Variants in SUPT5H observed in about 807,000 individuals in gnomAD.
SUPT5H encodes transcription elongation factor SPT5.
SUPT5H carries 24 observed loss-of-function variants against 142.5 expected under a neutral mutation model. That is an observed-to-expected ratio of 0.17 (90% CI 0.12 to 0.24). The LOEUF is 0.24. Among genes scored for constraint, SUPT5H ranks in the 10% least tolerant of loss-of-function variants. SUPT5H has a pLI of 1.00. For missense variants in SUPT5H, 893 were observed against 1,471.8 expected, an observed-to-expected ratio of 0.61 and a Z score of 6.43; for synonymous variants, 546 against 553.0, an observed-to-expected ratio of 0.99 and a Z score of 0.18.
rs767289852 is a variant in SUPT5H at position 39,471,701 on chromosome 19, C to T, written c.1921C>T (p.Arg641Cys). The T allele has an allele frequency of 2.5e-6, 4 of 1,614,078 alleles. No individual in the cohort carries two copies. Among genetic ancestry groups the T allele is most frequent in the Non-Finnish European group, 3.4e-6 (4 of 1,180,006 alleles). ...CGGGGGCATGTTTGTCTGCAAGACCCGCCACCTGGTGCTGGCTGGGGGCTC... is the reference window on the plus strand; with the variant it reads ...CGGGGGCATGTTTGTCTGCAAGACCTGCCACCTGGTGCTGGCTGGGGGCTC... ...ENGGMFVCKT[R>C]HLVLAGGSKP... The change falls in exon 20 of 30, where the codon CGC becomes TGC. Residue 641 changes from arginine to cysteine, a missense_variant. Physicochemically the swap from Arg to Cys is radical, Grantham distance 180 (BLOSUM62 -3). Transcript: ENST00000432763.
At chr19:39,451,625 A>C (rs2146077013) in intron 2 of SUPT5H, among the ~76,000 whole-genome samples, 1 of 152,192 alleles carries the variant, frequency 6.6e-6, no homozygotes, top group Non-Finnish European at 1.5e-5. Context: ...TTCACCTCCC[A>C]GTTTCAAGCG....
Position 39,462,719 on chromosome 19 carries a change from T to G in SUPT5H, c.625-2079T>G, listed in dbSNP as rs976268827. On this transcript the variant is annotated intron_variant, in intron 10 of 29. Coordinates refer to ENST00000432763, the MANE Select transcript of SUPT5H (RefSeq NM_001111020.3). ...CTAATTTTTGTGTTTTTAGTAGAGATAGGGTTTCAGCATGTTGGCCAGGCT... is the reference window on the plus strand; with the variant it reads ...CTAATTTTTGTGTTTTTAGTAGAGAGAGGGTTTCAGCATGTTGGCCAGGCT... Among the ~76,000 whole-genome samples, 7 of 150,828 alleles carry G rather than the reference T, an allele frequency of 4.6e-5. No individual in the cohort carries two copies. In the Admixed American group the frequency reaches 4.6e-4, roughly 10 times the overall value.
At position 39,473,314 on chromosome 19, in the gene SUPT5H, G is replaced by C. The variant is rs377355322; in HGVS notation, c.2370G>C (p.Gln790His). 1.3e-5 allele frequency: 21 copies of C among 1,613,778 alleles called. No individual in the cohort carries two copies. The highest frequency in any genetic ancestry group is 1.6e-5 in the Non-Finnish European group (19 of 1,179,974). The stretch of plus-strand genomic sequence containing the variant: ...CCCGAACACCCATGTACGGCTCACA[G>C]ACACCCCTCCAGGATGGTGAGTGCC... ...SGSRTPMYGS[Q>H]TPLQDGSRTP... Residue 790 changes from glutamine (Q) to histidine (H), a missense_variant, in exon 24 of 30, where the codon CAG becomes CAC. Gln to His is a conservative substitution (Grantham distance 24). Transcript: ENST00000432763. This position sits in a 1 kb window ranked among gnomAD's most constrained non-coding sequence, Gnocchi z 5.8.
chr19:39,476,015 T>C (rs2079400025), intron 28 of SUPT5H, 66 bp from the exon 29 acceptor site: 2 of 1,450,764 alleles, frequency 1.4e-6, no homozygotes, highest in Admixed American at 1.8e-5. Context: ...CTGTGTCCCC[T>C]GGAGTATGGG....
At position 39,459,173 on chromosome 19, in the gene SUPT5H, C is replaced by T. The variant is rs760342883; in HGVS notation, c.459-11C>T. ...AGCTTCACCCCTTCCTGACTGCCCT[C>T]CTCCCTTCAGGGTGTATGGAGGATC... is the stretch of plus-strand genomic sequence containing the variant. On this transcript the variant is annotated splice_polypyrimidine_tract_variant and intron_variant, in intron 7 of 29. Transcript: ENST00000432763. The T allele has an allele frequency of 1.4e-5, 22 of 1,603,748 alleles. No individual in the cohort carries two copies. The highest frequency in any genetic ancestry group is 1.7e-4 in the Middle Eastern group (1 of 6,042).
At position 39,469,650 on chromosome 19, in the gene SUPT5H, T is replaced by C. The variant is rs2079291476; in HGVS notation, c.1374+252T>C. ...TCTTTTGTTTCTGAAAAGCAAGATA[T>C]CTGGGTAGTACTGGGTTGAGAGTGT... is the stretch of plus-strand genomic sequence containing the variant. On this transcript the variant is annotated intron_variant, in intron 16 of 29. Transcript: ENST00000432763. The surrounding 1 kb of genome is among the most constrained non-coding windows in gnomAD (Gnocchi z 5.1). The C allele has an allele frequency of 6.9e-6, 4 of 583,908 alleles. No homozygotes were observed. The highest frequency in any genetic ancestry group is 3.7e-5 in the African/African-American group (2 of 53,542). The allele number at this position is 583,908 out of a possible 1,614,324, so 36.2% of individuals were successfully genotyped here.
Position 39,458,247 on chromosome 19 carries a change from CCA to C in SUPT5H, c.308-45_308-44del. ...CTGCCCTCGCCCACCACCACCACCA[CCA>C]CCACCACCACCACCACCACCACCAC... On this transcript the variant is annotated intron_variant, in intron 4 of 29. Transcript: ENST00000432763. This position sits in a 1 kb window ranked among gnomAD's most constrained non-coding sequence, Gnocchi z 4.2. 8.1e-7 allele frequency: 1 copy of C among 1,241,414 alleles called. No homozygotes were observed. Among genetic ancestry groups the C allele is most frequent in the Non-Finnish European group, 1.1e-6 (1 of 874,118 alleles). The allele number at this position is 1,241,414 out of a possible 1,614,324, so 76.9% of individuals were successfully genotyped here. A position where few individuals can be genotyped will look rare whatever the true frequency, so the allele number is the denominator to read the frequency against.
chr19:39,459,754 A>G (rs575544025), intron 9 of SUPT5H, 138 bp from the exon 10 acceptor site: 1 of 1,291,916 alleles, frequency 7.7e-7, no homozygotes, highest in Non-Finnish European at 1.1e-6. Flanking sequence ...TCCCACCTCC[A>G]TCTTCCTGGC....
rs1249099013 is a variant in SUPT5H at position 39,473,275 on chromosome 19, G to A, written c.2331G>A (p.Met777Ile). 2 of 1,613,850 alleles carry A rather than the reference G, an allele frequency of 1.2e-6. No homozygotes were observed. The change falls in exon 24 of 30, where the codon ATG (methionine) becomes ATA (isoleucine). Residue 777 changes from methionine (M) to isoleucine (I), a missense_variant. Physicochemically the swap from Met to Ile is conservative, Grantham distance 10. This residue lies in a region of SUPT5H where 336 missense variants were observed against 546.5 expected (regional missense o/e 0.61). Coordinates refer to ENST00000432763, the MANE Select transcript of SUPT5H (RefSeq NM_001111020.3). The surrounding 1 kb of genome is among the most constrained non-coding windows in gnomAD (Gnocchi z 5.8). Reference protein sequence around the residue: ...RTPMYGSQTPMYGSGSRTPMY... With the variant: ...RTPMYGSQTPIYGSGSRTPMY... ...CCATGTATGGCTCCCAGACGCCCAT[G>A]TATGGCTCTGGCTCCCGAACACCCA... is the stretch of plus-strand genomic sequence containing the variant.
intron 13 of SUPT5H, chr19:39,467,034 C>T (rs529438860): frequency 3.0e-4 from 89 of 298,614 alleles, no homozygotes; most frequent in African/African-American, 1.9e-3. Context: ...TAATGAGATC[C>T]CATCTTTTAA....
chr19:39,468,721 T>G (rs2079276983), intron 13 of SUPT5H, 35 bp from the exon 14 acceptor site: 1 of 1,590,588 alleles, frequency 6.3e-7, no homozygotes, highest in Non-Finnish European at 8.6e-7. Flanking sequence ...TTCTTGACTC[T>G]CCCTTCTAAT....
Position 39,469,542 on chromosome 19 carries a change from G to GA in SUPT5H, c.1374+145dup. On this transcript the variant is annotated intron_variant, in intron 16 of 29. Coordinates refer to ENST00000432763, the MANE Select transcript of SUPT5H (RefSeq NM_001111020.3). This position sits in a 1 kb window ranked among gnomAD's most constrained non-coding sequence, Gnocchi z 5.1. ...CCTTCTAGCATTCTCAGGTGCCTGAGAGGCTCTGTCTGAGTGCAGCTCAGG... is the reference window on the plus strand; with the variant it reads ...CCTTCTAGCATTCTCAGGTGCCTGAGAAGGCTCTGTCTGAGTGCAGCTCAGG... The GA allele has an allele frequency of 8.1e-7, 1 of 1,238,796 alleles. No homozygotes were observed. Among genetic ancestry groups the GA allele is most frequent in the Non-Finnish European group, 1.1e-6 (1 of 890,404 alleles). The allele number at this position is 1,238,796 out of a possible 1,614,324, so 76.7% of individuals were successfully genotyped here. A position where few individuals can be genotyped will look rare whatever the true frequency, so the allele number is the denominator to read the frequency against.
intron 10 of SUPT5H, among the ~76,000 whole-genome samples, chr19:39,464,455 G>A (rs953646655): frequency 1.3e-5 from 2 of 152,114 alleles, no homozygotes; most frequent in Admixed American, 6.6e-5. Context: ...AACCTCCCGG[G>A]CTCAAGCAGT....
rs1185640821 is a variant in SUPT5H at position 39,457,951 on chromosome 19, G to A, written c.307+211G>A. ...GGTGGGGCCCTGGGGTGGGGATGTT[G>A]TGGGGAGAGGACTCTGGGATCCCAG... is the stretch of plus-strand genomic sequence containing the variant. On this transcript the variant is annotated intron_variant, in intron 4 of 29. Coordinates refer to ENST00000432763, the MANE Select transcript of SUPT5H (RefSeq NM_001111020.3). 3 of 918,114 alleles carry A rather than the reference G, an allele frequency of 3.3e-6. No individual in the cohort carries two copies. The East Asian group carries it at 7.9e-5, about 24-fold the overall frequency. 56.9% of individuals were successfully genotyped at this position (918,114 alleles called of 1,614,324 possible).
Position 39,458,465 on chromosome 19 carries a change from C to A in SUPT5H, c.319+160C>A. ...ATCCAGAGTCAGGGAGTTCTGGGGCCAGGTATACCCCAGTTGTTGACCTGG... is the reference window on the plus strand; with the variant it reads ...ATCCAGAGTCAGGGAGTTCTGGGGCAAGGTATACCCCAGTTGTTGACCTGG... On this transcript the variant is annotated intron_variant, in intron 5 of 29. Transcript: ENST00000432763. The surrounding 1 kb of genome is among the most constrained non-coding windows in gnomAD (Gnocchi z 4.2). 7.7e-7 allele frequency: 1 copy of A among 1,292,688 alleles called. No homozygotes were observed. Among genetic ancestry groups the A allele is most frequent in the Non-Finnish European group, 1.1e-6 (1 of 937,370 alleles). 80.1% of individuals were successfully genotyped at this position (1,292,688 alleles called of 1,614,324 possible). A position where few individuals can be genotyped will look rare whatever the true frequency, so the allele number is the denominator to read the frequency against.
intron 2 of SUPT5H, among the ~76,000 whole-genome samples, chr19:39,446,228 G>A (rs920854511): frequency 6.8e-6 from 1 of 147,772 alleles, no homozygotes; most frequent in Non-Finnish European, 1.5e-5. Flanking sequence ...CTTAGCATTA[G>A]TTTTTTTTTT....
At chr19:39,475,760 C>A in intron 28 of SUPT5H, 1 of 329,244 alleles carries the variant, frequency 3.0e-6, no homozygotes, top group Non-Finnish European at 5.7e-6. Context: ...GACCATGGGG[C>A]GGTCCCTGAG....
intron 3 of SUPT5H, among the ~76,000 whole-genome samples, chr19:39,453,941 T>G (rs1404558872): frequency 6.7e-6 from 1 of 149,850 alleles, no homozygotes; most frequent in Non-Finnish European, 1.5e-5. Flanking sequence ...CTGAAATGCA[T>G]AAAACAAAAT....
intron 2 of SUPT5H, among the ~76,000 whole-genome samples, 173 bp from the exon 3 acceptor site, chr19:39,453,183 T>C (rs1257894340): frequency 6.6e-6 from 1 of 151,746 alleles, no homozygotes; most frequent in Non-Finnish European, 1.5e-5. Flanking sequence ...GTGCTGTCGC[T>C]GAGATAGGAT....
Sources: allele counts gnomAD v4.1 joint callset (sites outside exome capture counted in the v4.1 genomes callset), GRCh38; gene constraint gnomAD v4.1.1; regional missense constraint gnomAD v4.1.1; non-coding constraint Gnocchi (gnomAD v3.1); transcripts MANE v1.5; gene names NCBI Gene and HGNC (gene_info 2026-07-23, HGNC 2026-07-21).